Variants in DCUN1D4 observed in about 807,000 individuals in gnomAD.
The protein encoded by DCUN1D4 is DCN1-like protein 4.
A neutral mutation model predicts 47.9 loss-of-function variants in DCUN1D4; 22 were observed. That is an observed-to-expected ratio of 0.46 (90% CI 0.33 to 0.66). The LOEUF is 0.66. Among genes scored for constraint, DCUN1D4 ranks in the 30% least tolerant of loss-of-function variants. The pLI is 0.02. For synonymous variants in DCUN1D4, 121 were observed against 112.2 expected (o/e 1.08, Z -0.50); for missense variants, 301 against 340.8 (o/e 0.88, Z 0.92).
intron 8 of DCUN1D4, chr4:51,908,959 AC>A (rs1171491763): frequency 2.2e-6 from 1 of 456,116 alleles, no homozygotes; most frequent in Non-Finnish European, 4.4e-6. Flanking sequence ...GCTGGCTGGC[AC>A]CCTTGCAGAG....
At chr4:51,844,157 G>GTGGCTCTGA (rs1722099511) in intron 1 of DCUN1D4, among the ~76,000 whole-genome samples, 1 of 150,476 alleles carries the variant, frequency 6.6e-6, no homozygotes. Context: ...AGGAAGGGGA[G>GTGGCTCTGA]GTGGGGCGGA....
intron 1 of DCUN1D4, chr4:51,843,481 G>T: frequency 5.5e-6 from 7 of 1,265,684 alleles, no homozygotes; most frequent in Non-Finnish European, 7.0e-6. Context: ...ACCGGCCTGC[G>T]GGGAGGGCGG....
intron 6 of DCUN1D4, among the ~76,000 whole-genome samples, chr4:51,888,199 G>A (rs553537979): frequency 6.6e-6 from 1 of 152,264 alleles, no homozygotes; most frequent in South Asian, 2.1e-4. Context: ...AGGAGTGGCA[G>A]CAGGGCCTGG....
At chr4:51,850,756 G>A (rs747054522) in intron 1 of DCUN1D4, among the ~76,000 whole-genome samples, 4 of 152,116 alleles carry the variant, frequency 2.6e-5, no homozygotes, top group African/African-American at 4.8e-5. Flanking sequence ...CCCTGTGTGC[G>A]GGCGTGGGGT....
At chr4:51,867,530 G>A (rs751780302) in intron 3 of DCUN1D4, among the ~76,000 whole-genome samples, 1 of 152,164 alleles carries the variant, frequency 6.6e-6, no homozygotes, top group Non-Finnish European at 1.5e-5. Context: ...GACCCAAAGT[G>A]GGTAGCTCTT....
At chr4:51,869,997 A>G (rs1035145510) in intron 3 of DCUN1D4, among the ~76,000 whole-genome samples, 3 of 152,174 alleles carry the variant, frequency 2.0e-5, no homozygotes, top group African/African-American at 7.2e-5. Context: ...TGTCATGTAA[A>G]CACCAAAACA....
intron 1 of DCUN1D4, among the ~76,000 whole-genome samples, chr4:51,859,946 A>G (rs1213267347): frequency 2.6e-5 from 4 of 152,160 alleles, no homozygotes; most frequent in Admixed American, 2.6e-4. Flanking sequence ...GCTTTCCAGA[A>G]TACGTTCTCG....
chr4:51,901,622 C>CCT (rs1732131228), intron 8 of DCUN1D4, among the ~76,000 whole-genome samples: 1 of 152,186 alleles, frequency 6.6e-6, no homozygotes. Flanking sequence ...TTCGACACAG[C>CCT]CTCCTGGTCA....
At chr4:51,896,427 C>T (rs1334421587) in intron 7 of DCUN1D4, among the ~76,000 whole-genome samples, 1 of 152,168 alleles carries the variant, frequency 6.6e-6, no homozygotes, top group Non-Finnish European at 1.5e-5. Flanking sequence ...TCTTCTTCTT[C>T]GTAGACAGGA....
At chr4:51,843,533 G>T in intron 1 of DCUN1D4, 3 of 1,290,190 alleles carry the variant, frequency 2.3e-6, no homozygotes, top group Non-Finnish European at 2.9e-6. Context: ...AGTGTTGGGG[G>T]AAGGGAGGGC....
intron 3 of DCUN1D4, among the ~76,000 whole-genome samples, chr4:51,873,538 C>T (rs1034953132): frequency 6.6e-6 from 1 of 152,208 alleles, no homozygotes; most frequent in Non-Finnish European, 1.5e-5. Flanking sequence ...ATAGTTCTTT[C>T]CTCATGGAAA....
intron 7 of DCUN1D4, among the ~76,000 whole-genome samples, chr4:51,893,696 A>G (rs1730803291): frequency 6.6e-6 from 1 of 152,208 alleles, no homozygotes. Flanking sequence ...TGTTGGGATT[A>G]CAGGCGTAAG....
chr4:51,838,445 G>T (rs969760156), upstream of DCUN1D4, among the ~76,000 whole-genome samples: 9 of 152,074 alleles, frequency 5.9e-5, no homozygotes, highest in African/African-American at 1.9e-4. Context: ...GCAGTGGCGT[G>T]ATCTCAGCTC....
At chr4:51,856,162 G>T (rs913754966) in intron 1 of DCUN1D4, among the ~76,000 whole-genome samples, 1 of 152,050 alleles carries the variant, frequency 6.6e-6, no homozygotes, top group African/African-American at 2.4e-5. Context: ...TGCTTTTTTG[G>T]CAATAACATG....
In DCUN1D4 at chr4:51,913,334, C is replaced by T; in HGVS notation, c.765C>T (p.Val255=). The T allele has an allele frequency of 6.2e-7, 1 of 1,612,672 alleles. No individual in the cohort carries two copies. The highest frequency in any genetic ancestry group is 8.5e-7 in the Non-Finnish European group (1 of 1,179,230). ...KVINKDQWCN[V]LEFSRTINLD... is the part of the protein sequence containing the mutation. Reference sequence around the variant, plus strand: ...TTAATAAAGACCAGTGGTGCAATGTCCTAGAGTTTAGCAGAACAATTAATC... The same window carrying T: ...TTAATAAAGACCAGTGGTGCAATGTTCTAGAGTTTAGCAGAACAATTAATC... The change falls in exon 10 of 11, where the codon GTC becomes GTT. Residue 255 remains valine, a synonymous_variant. Transcript: ENST00000334635.
intron 8 of DCUN1D4, among the ~76,000 whole-genome samples, chr4:51,903,416 C>G (rs1732409599): frequency 6.6e-6 from 1 of 152,058 alleles, no homozygotes; most frequent in Admixed American, 6.5e-5. Context: ...TGTTTTCTGA[C>G]TTTTTATTCT....
intron 1 of DCUN1D4, 109 bp downstream of exon 1, chr4:51,843,376 G>GCCCCTGCCTGGGAA (rs1721898382): frequency 7.3e-7 from 1 of 1,376,722 alleles, no homozygotes; most frequent in Non-Finnish European, 9.5e-7. Context: ...CGCGCCGGGA[G>GCCCCTGCCTGGGAA]CCCCTGCCTG....
intron 1 of DCUN1D4, chr4:51,844,955 A>G: frequency 1.0e-6 from 1 of 985,362 alleles, no homozygotes; most frequent in Non-Finnish European, 1.2e-6. Flanking sequence ...CCAGGGACGG[A>G]GCGACTCCCC....
At chr4:51,899,049 A>G (rs1348226928) in intron 7 of DCUN1D4, among the ~76,000 whole-genome samples, 1 of 152,168 alleles carries the variant, frequency 6.6e-6, no homozygotes, top group East Asian at 1.9e-4. Context: ...AAAAAGGTTA[A>G]TTGCTGGATC....
Sources: gnomAD v4.1 joint callset for allele counts (sites outside exome capture counted in the v4.1 genomes callset) on GRCh38, gnomAD v4.1.1 for gene constraint, MANE v1.5 for transcripts, NCBI Gene and HGNC (gene_info 2026-07-23, HGNC 2026-07-21) for gene names.